FNDC1: variants seen among roughly 807,000 people sequenced by gnomAD.
FNDC1 encodes the protein fibronectin type III domain containing 1, also known as fibronectin type III domain-containing protein 1.
FNDC1 carries 96 observed loss-of-function variants against 168.0 expected under a neutral mutation model. The observed-to-expected ratio is 0.57, with a 90% CI of 0.48 to 0.68. FNDC1 has a LOEUF of 0.68. Ranked by LOEUF, FNDC1 falls within the 30% of genes least tolerant of loss-of-function variation. FNDC1 has a pLI of 0.00. For synonymous variants in FNDC1, 1,099 were observed against 1,025.9 expected (o/e 1.07, Z -1.36); for missense variants, 2,587 against 2,482.1 (o/e 1.04, Z -0.90).
intron 7 of FNDC1, 85 bp from the exon 8 acceptor site, chr6:159,225,450 A>C: frequency 9.3e-7 from 1 of 1,076,966 alleles, no homozygotes; most frequent in South Asian, 2.6e-5. Flanking sequence ...CAAAGTCATC[A>C]CTTATGAGGA....
intron 11 of FNDC1, 117 bp from the exon 12 acceptor site, chr6:159,236,098 C>T: frequency 3.2e-6 from 2 of 633,822 alleles, no homozygotes; most frequent in East Asian, 2.8e-5. Context: ...GTTTAAAATT[C>T]TGTTTAGAGC....
rs762228857 is a variant in FNDC1, at chr6:159,267,849, A to C, written c.5492A>C (p.His1831Pro). ...GACAGCTGGGGAAGAGGTGAAGACC[A>C]TTGCCAATTTGTGGATTCACACCTT... is the stretch of plus-strand genomic sequence containing the variant. ...IGDSWGRGED[H>P]CQFVDSHLDG... The change falls in exon 22 of 23, where the codon CAT (histidine) becomes CCT (proline). Residue 1831 changes from histidine (H) to proline (P), a missense_variant. Transcript: ENST00000297267. The C allele has an allele frequency of 6.2e-7, 1 of 1,613,752 alleles. No homozygotes were observed. The highest frequency in any genetic ancestry group is 8.5e-7 in the Non-Finnish European group (1 of 1,179,796).
intron 1 of FNDC1, among the ~76,000 whole-genome samples, chr6:159,188,740 T>C (rs560897438): frequency 1.2e-3 from 183 of 150,152 alleles, no homozygotes; most frequent in African/African-American, 4.4e-3. Context: ...AAAATGTTAA[T>C]TTTTACTTTT....
rs1408002417 is a variant in FNDC1 at position 159,232,851 on chromosome 6, G to C, written c.2339G>C (p.Gly780Ala). Reference sequence around the variant, plus strand: ...TCGTCCAGGACGCAGGTCTCTGAGGGAGCGGAGGCTTCTGATGGTGAAAGC... The same window carrying C: ...TCGTCCAGGACGCAGGTCTCTGAGGCAGCGGAGGCTTCTGATGGTGAAAGC... ...HLSSRTQVSE[G>A]AEASDGESHG... The change falls in exon 11 of 23, where the codon GGA becomes GCA. Residue 780 changes from glycine to alanine, a missense_variant. Physicochemically the swap from Gly to Ala is moderately conservative, Grantham distance 60. Transcript: ENST00000297267. This position sits in a 1 kb window ranked among gnomAD's most constrained non-coding sequence, Gnocchi z 4.9. 1.2e-6 allele frequency: 2 copies of C among 1,613,824 alleles called. No homozygotes were observed. The highest frequency in any genetic ancestry group is 3.3e-5 in the Admixed American group (2 of 60,030).
intron 4 of FNDC1, among the ~76,000 whole-genome samples, chr6:159,202,173 A>G (rs539922584): frequency 1.3e-5 from 2 of 152,340 alleles, no homozygotes; most frequent in East Asian, 3.9e-4. Context: ...TACCAGAAGA[A>G]ACTGCTGGCT....
Position 159,248,933 on chromosome 6 carries a change from C to A in FNDC1, c.4691-106C>A, listed in dbSNP as rs556951570. On this transcript the variant is annotated intron_variant, in intron 15 of 22. Transcript: ENST00000297267. ...TGTGTGTGTGTGTGTGTCTGTCTGT[C>A]TGTCTGGGTTTCAGCCTACAGTTGA... The A allele has an allele frequency of 2.3e-4, 233 of 1,034,968 alleles. 1 individual carries two copies. In the African/African-American group the frequency reaches 3.5e-3, roughly 16 times the overall value. 64.1% of individuals were successfully genotyped at this position (1,034,968 alleles called of 1,614,324 possible). A position where few individuals can be genotyped will look rare whatever the true frequency, so the allele number is the denominator to read the frequency against.
intron 1 of FNDC1, among the ~76,000 whole-genome samples, chr6:159,188,633 C>T (rs2114934062): frequency 6.6e-6 from 1 of 152,120 alleles, no homozygotes; most frequent in East Asian, 1.9e-4. Context: ...CTGCCTCGGC[C>T]TCCCAAAGTG....
At chr6:159,244,692 A>C (rs1165658508) in intron 14 of FNDC1, among the ~76,000 whole-genome samples, 1 of 152,220 alleles carries the variant, frequency 6.6e-6, no homozygotes, top group African/African-American at 2.4e-5. Flanking sequence ...CATATTTACA[A>C]ATAATTTTAT....
chr6:159,236,261 T>A lies in FNDC1; in HGVS notation c.4014T>A (p.Ser1338Arg). The change falls in exon 12 of 23, where the codon AGT becomes AGA. Residue 1338 changes from serine (S) to arginine (R), a missense_variant. Coordinates refer to ENST00000297267, the MANE Select transcript of FNDC1 (RefSeq NM_032532.3). Reference sequence around the variant, plus strand: ...TAGAAGGGAAAGTCCTTCCTGGTAGTAATGGAAAACCGAATGGACAGAGAA... The same window carrying A: ...TAGAAGGGAAAGTCCTTCCTGGTAGAAATGGAAAACCGAATGGACAGAGAA... Reference protein sequence around the residue: ...PNVEGKVLPGSNGKPNGQRII... With the variant: ...PNVEGKVLPGRNGKPNGQRII... The A allele has an allele frequency of 1.2e-6, 2 of 1,613,812 alleles. No homozygotes were observed. Among genetic ancestry groups the A allele is most frequent in the Non-Finnish European group, 1.7e-6 (2 of 1,179,786 alleles).
At chr6:159,222,559 T>C (rs754852423) in intron 6 of FNDC1, among the ~76,000 whole-genome samples, 49 of 152,354 alleles carry the variant, frequency 3.2e-4, no homozygotes, top group Middle Eastern at 3.4e-3. Context: ...CAGAGTAATA[T>C]TGAAGACATC....
chr6:159,198,681 A>C (rs1782305247), intron 2 of FNDC1, among the ~76,000 whole-genome samples: 1 of 152,236 alleles, frequency 6.6e-6, no homozygotes, highest in Non-Finnish European at 1.5e-5. Flanking sequence ...GAGAAGAAAA[A>C]CATGTGAAAA....
chr6:159,265,341 C>T (rs534694887), intron 20 of FNDC1, among the ~76,000 whole-genome samples: 34 of 152,254 alleles, frequency 2.2e-4, no homozygotes, highest in South Asian at 4.1e-4. Context: ...GCAAGTTTTA[C>T]GTTGTTTTTC....
At chr6:159,245,661 C>A (rs970456157) in intron 14 of FNDC1, among the ~76,000 whole-genome samples, 3 of 152,084 alleles carry the variant, frequency 2.0e-5, no homozygotes, top group Non-Finnish European at 4.4e-5. Context: ...GTGAAGATGC[C>A]TTTTATGCTT....
At position 159,233,915 on chromosome 6, in the gene FNDC1, C is replaced by G. The variant is rs1391046791; in HGVS notation, c.3403C>G (p.Pro1135Ala). 1.3e-6 allele frequency: 2 copies of G among 1,548,540 alleles called. No individual in the cohort carries two copies. The highest frequency in any genetic ancestry group is 1.7e-6 in the Non-Finnish European group (2 of 1,145,856). The change falls in exon 11 of 23, where the codon CCC becomes GCC. Residue 1135 changes from proline to alanine, a missense_variant. Physicochemically the swap from Pro to Ala is conservative, Grantham distance 27. Coordinates refer to ENST00000297267, the MANE Select transcript of FNDC1 (RefSeq NM_032532.3). This position sits in a 1 kb window ranked among gnomAD's most constrained non-coding sequence, Gnocchi z 4.6. The part of the protein sequence containing the change: ...HRSQRGHAAS[P>A]ARPSRPGGPQ... ...GTCCCAGCGCGGACATGCGGCCTCC[C>G]CCGCCAGGCCCAGCCGACCCGGCGG...
At chr6:159,268,231 T>C (rs1267455073) in intron 22 of FNDC1, among the ~76,000 whole-genome samples, 6 of 152,092 alleles carry the variant, frequency 3.9e-5, no homozygotes, top group African/African-American at 1.2e-4. Flanking sequence ...TATTTGATTG[T>C]GGCATTATAA....
chr6:159,246,864 G>T (rs750519617), intron 14 of FNDC1, 37 bp from the exon 15 acceptor site: 6 of 1,459,864 alleles, frequency 4.1e-6, no homozygotes, highest in South Asian at 1.1e-5. Context: ...TGGAGAAGGA[G>T]CGCTGGATGA....
In FNDC1 at chr6:159,196,648, G is replaced by T. The variant is rs1280144506; in HGVS notation, c.110-783G>T. ...TCAGTTCCAGGTTTGCCCTAGATTTGTTTGACTGTTGCTTGAATATTTCAC... is the reference window on the plus strand; with the variant it reads ...TCAGTTCCAGGTTTGCCCTAGATTTTTTTGACTGTTGCTTGAATATTTCAC... On this transcript the variant is annotated intron_variant, in intron 1 of 22. Transcript: ENST00000297267. 2.6e-5 allele frequency among the ~76,000 whole-genome samples: 4 copies of T among 152,106 alleles called. No homozygotes were observed. In the East Asian group the frequency reaches 7.7e-4, roughly 29 times the overall value.
chr6:159,208,988 C>G (rs749622447), intron 4 of FNDC1, among the ~76,000 whole-genome samples: 1 of 151,884 alleles, frequency 6.6e-6, no homozygotes, highest in East Asian at 1.9e-4. Flanking sequence ...GCTGGGATTA[C>G]AGGTGCATGC....
chr6:159,232,329 C>T lies in FNDC1; in HGVS notation c.1817C>T (p.Thr606Met), dbSNP rs367899713. 1.1e-5 allele frequency: 17 copies of T among 1,613,268 alleles called. No homozygotes were observed. The highest frequency in any genetic ancestry group is 2.2e-5 in the East Asian group (1 of 44,848). The change falls in exon 11 of 23, where the codon ACG (threonine) becomes ATG (methionine). Residue 606 changes from threonine to methionine, a missense_variant. Coordinates refer to ENST00000297267, the MANE Select transcript of FNDC1 (RefSeq NM_032532.3). This position sits in a 1 kb window ranked among gnomAD's most constrained non-coding sequence, Gnocchi z 4.9. ...GVDKPGFSLA[T>M]QPRPGAPPSA... is the part of the protein sequence containing the mutation. ...GATAAGCCTGGCTTTTCCCTGGCCACGCAGCCCCGCCCAGGGGCGCCCCCC... is the reference window on the plus strand; with the variant it reads ...GATAAGCCTGGCTTTTCCCTGGCCATGCAGCCCCGCCCAGGGGCGCCCCCC...
Sources: gnomAD v4.1 joint callset for allele counts (sites outside exome capture counted in the v4.1 genomes callset) on GRCh38, gnomAD v4.1.1 for gene constraint, Gnocchi (gnomAD v3.1) non-coding constraint, MANE v1.5 for transcripts, NCBI Gene and HGNC (gene_info 2026-07-23, HGNC 2026-07-21) for gene names.